Variants in BRINP2 observed in about 807,000 individuals in gnomAD.
BRINP2 encodes BMP/retinoic acid-inducible neural-specific protein 2.
Under a neutral mutation model 69.2 loss-of-function variants are expected in BRINP2, and 21 were observed. The observed-to-expected ratio is 0.30, with a 90% CI of 0.22 to 0.44. The LOEUF (loss-of-function observed/expected upper bound fraction) is 0.44, where lower values mean the gene tolerates loss of function less well. BRINP2 is among the 20% of genes least tolerant of loss of function. BRINP2 has a pLI of 1.00. For synonymous variants in BRINP2, 380 were observed against 394.1 expected, an observed-to-expected ratio of 0.96 and a Z score of 0.42; for missense variants, 877 against 986.0, an observed-to-expected ratio of 0.89 and a Z score of 1.48.
intron 1 of BRINP2, among the ~76,000 whole-genome samples, chr1:177,176,439 G>T (rs938244297): frequency 1.3e-5 from 2 of 151,640 alleles, no homozygotes; most frequent in African/African-American, 2.4e-5. Flanking sequence ...AATATATTAA[G>T]ATTAGTTTCA....
Position 177,273,550 on chromosome 1 carries a change from T to C in BRINP2, c.732T>C (p.Ser244=), listed in dbSNP as rs1359550086. Residue 244 remains serine (S), a synonymous_variant, in exon 5 of 8, where the codon AGT becomes AGC. Transcript: ENST00000361539. ...CSNYDNLDSV[S]SVLVQSPENK... ...ACTATGACAATCTGGACTCAGTCAGTTCTGTCTTGGTACAGAGTCCAGAGA... is the reference window on the plus strand; with the variant it reads ...ACTATGACAATCTGGACTCAGTCAGCTCTGTCTTGGTACAGAGTCCAGAGA... 6.2e-7 allele frequency: 1 copy of C among 1,609,544 alleles called. No homozygotes were observed. Among genetic ancestry groups the C allele is most frequent in the Non-Finnish European group, 8.5e-7 (1 of 1,177,744 alleles).
intron 5 of BRINP2, among the ~76,000 whole-genome samples, chr1:177,274,673 G>A (rs556531876): frequency 2.2e-4 from 34 of 152,248 alleles, no homozygotes; most frequent in East Asian, 3.9e-4. Context: ...GACATTTGTC[G>A]GGGCACTGAT....
At chr1:177,224,528 G>T (rs1025689871) in intron 1 of BRINP2, among the ~76,000 whole-genome samples, 1 of 152,054 alleles carries the variant, frequency 6.6e-6, no homozygotes, top group Non-Finnish European at 1.5e-5. Context: ...CGATGATACA[G>T]TGAAGGTCCC....
intron 4 of BRINP2, among the ~76,000 whole-genome samples, chr1:177,263,805 A>G (rs930573206): frequency 2.6e-5 from 4 of 151,568 alleles, no homozygotes; most frequent in Non-Finnish European, 4.4e-5. Context: ...TGATTTAAAA[A>G]CTCACTGATG....
intron 1 of BRINP2, 87 bp downstream of exon 1, chr1:177,171,819 AT>A (rs1647941297): frequency 6.6e-6 from 1 of 152,170 alleles, no homozygotes; most frequent in Admixed American, 6.5e-5. Context: ...TTTTGCTCTC[AT>A]ACAACCCTCT....
At chr1:177,260,245 G>A (rs539002941) in intron 4 of BRINP2, among the ~76,000 whole-genome samples, 48 of 152,244 alleles carry the variant, frequency 3.2e-4, no homozygotes, top group Admixed American at 1.4e-3. Context: ...GAAATAAAAC[G>A]TAGAGCCTGA....
intron 4 of BRINP2, among the ~76,000 whole-genome samples, chr1:177,263,221 G>A (rs138969927): frequency 6.6e-6 from 1 of 152,294 alleles, no homozygotes; most frequent in Non-Finnish European, 1.5e-5. Context: ...GCAAGTATGA[G>A]TGGGTGATGC....
intron 2 of BRINP2, among the ~76,000 whole-genome samples, chr1:177,248,759 CAT>C (rs1401599533): frequency 1.3e-5 from 2 of 152,180 alleles, no homozygotes; most frequent in African/African-American, 2.4e-5. Context: ...CCTTGTGTAA[CAT>C]AGTGCTGCAG....
In BRINP2 at chr1:177,190,003, C is replaced by G. The variant is rs189806167; in HGVS notation, c.-77+18271C>G. Reference sequence around the variant, plus strand: ...GGTGAATCTGTAAGTTTCAACTGAACGGAAATTCCCTTACATCTCATTGTC... The same window carrying G: ...GGTGAATCTGTAAGTTTCAACTGAAGGGAAATTCCCTTACATCTCATTGTC... On this transcript the variant is annotated intron_variant, in intron 1 of 7. Coordinates refer to ENST00000361539, the MANE Select transcript of BRINP2 (RefSeq NM_021165.4). Among the ~76,000 whole-genome samples the G allele has an allele frequency of 2.0e-3, 298 of 152,252 alleles. 2 individuals are homozygous for G. The highest frequency in any genetic ancestry group is 3.4e-3 in the Non-Finnish European group (229 of 68,014).
intron 4 of BRINP2, among the ~76,000 whole-genome samples, chr1:177,269,924 G>C (rs1019953673): frequency 3.3e-5 from 5 of 152,180 alleles, no homozygotes; most frequent in Non-Finnish European, 5.9e-5. Context: ...GGCATTCTTT[G>C]AACAGTGTGT....
chr1:177,276,488 C>T, intron 6 of BRINP2, 54 bp downstream of exon 6: 1 of 1,523,300 alleles, frequency 6.6e-7, no homozygotes, highest in Non-Finnish European at 9.1e-7. Context: ...AGGTACAGAG[C>T]AAGAACATGG....
chr1:177,253,060 A>G (rs1411053247), intron 2 of BRINP2, among the ~76,000 whole-genome samples: 2 of 152,112 alleles, frequency 1.3e-5, no homozygotes, highest in Non-Finnish European at 2.9e-5. Flanking sequence ...TTGAATATGT[A>G]CCTAGTAGTG....
At chr1:177,250,420 A>G (rs796590856) in intron 2 of BRINP2, among the ~76,000 whole-genome samples, 1 of 152,054 alleles carries the variant, frequency 6.6e-6, no homozygotes, top group African/African-American at 2.4e-5. Context: ...TCCACCTCCC[A>G]GGTTCAAATG....
At chr1:177,220,493 C>T (rs1355847621) in intron 1 of BRINP2, among the ~76,000 whole-genome samples, 1 of 152,102 alleles carries the variant, frequency 6.6e-6, no homozygotes, top group Non-Finnish European at 1.5e-5. Flanking sequence ...TGCCTGTACC[C>T]CCTTCACCTT....
At position 177,230,913 on chromosome 1, in the gene BRINP2, T is replaced by C. The variant is rs111484588; in HGVS notation, c.269+768T>C. On this transcript the variant is annotated intron_variant, in intron 2 of 7. Transcript: ENST00000361539. ...GCCCCCTTGCCATTTTTCCCCTTACTTGTATCTTTAGATAACCCTGGGAGC... is the reference window on the plus strand; with the variant it reads ...GCCCCCTTGCCATTTTTCCCCTTACCTGTATCTTTAGATAACCCTGGGAGC... Among the ~76,000 whole-genome samples, 334 of 152,362 alleles carry C rather than the reference T, an allele frequency of 2.2e-3. 2 individuals carry two copies. Among genetic ancestry groups the C allele is most frequent in the African/African-American group, 7.5e-3 (310 of 41,584 alleles).
intron 4 of BRINP2, among the ~76,000 whole-genome samples, chr1:177,270,086 G>GA (rs1553275368): frequency 7.3e-6 from 1 of 137,870 alleles, no homozygotes; most frequent in East Asian, 2.4e-4. Context: ...AAGGGGTGGG[G>GA]GGGGTGGTTC....
At chr1:177,280,381 C>G (rs1204690019) in intron 7 of BRINP2, 31 bp from the exon 8 acceptor site, 1 of 1,556,004 alleles carries the variant, frequency 6.4e-7, no homozygotes, top group Non-Finnish European at 8.7e-7. Context: ...CTTCTTTTGA[C>G]TCTTACTTCA....
intron 1 of BRINP2, among the ~76,000 whole-genome samples, chr1:177,206,936 C>A (rs949214491): frequency 6.6e-6 from 1 of 152,042 alleles, no homozygotes. Flanking sequence ...AGCCCCAGAG[C>A]AATAGATAAT....
intron 1 of BRINP2, among the ~76,000 whole-genome samples, chr1:177,228,170 C>T (rs1649757947): frequency 6.6e-6 from 1 of 152,190 alleles, no homozygotes; most frequent in East Asian, 1.9e-4. Context: ...CTTCTAAGAG[C>T]TGTCCAGCAC....
Sources: gnomAD v4.1 joint callset for allele counts (sites outside exome capture counted in the v4.1 genomes callset) on GRCh38, gnomAD v4.1.1 for gene constraint, MANE v1.5 for transcripts, NCBI Gene and HGNC (gene_info 2026-07-23, HGNC 2026-07-21) for gene names.